The following PXK variants were observed in gnomAD, a reference collection of about 807,000 sequenced individuals.
PXK encodes the protein PX domain-containing protein kinase-like protein.
PXK carries 35 observed loss-of-function variants against 84.7 expected under a neutral mutation model. The ratio of observed to expected loss-of-function variants is 0.41; its 90% CI spans 0.32 to 0.55. The LOEUF is 0.55. Among genes scored for constraint, PXK ranks in the 20% least tolerant of loss-of-function variants. The pLI, the probability that PXK is intolerant of heterozygous loss-of-function variation, is 0.21. For synonymous variants in PXK, 253 were observed against 260.8 expected (o/e 0.97, Z 0.29); for missense variants, 634 against 699.7 (o/e 0.91, Z 1.06).
chr3:58,336,178 TGGGATTATA>T (rs2097605648), intron 1 of PXK, among the ~76,000 whole-genome samples: 1 of 150,526 alleles, frequency 6.6e-6, no homozygotes, highest in African/African-American at 2.4e-5. Context: ...CCCAAAGTGC[TGGGATTATA>T]GGTGTGAACC....
At chr3:58,371,426 A>G (rs2098368669) in intron 3 of PXK, among the ~76,000 whole-genome samples, 1 of 152,194 alleles carries the variant, frequency 6.6e-6, no homozygotes, top group Non-Finnish European at 1.5e-5. Context: ...CAGTGGTGTA[A>G]GCATTTGGGA....
In PXK at chr3:58,397,434, T is replaced by C. The variant is rs998759410; in HGVS notation, c.985-171T>C. Among the ~76,000 whole-genome samples, 42 of 152,230 alleles carry C rather than the reference T, an allele frequency of 2.8e-4. No homozygotes were observed. The highest frequency in any genetic ancestry group is 9.6e-4 in the African/African-American group (40 of 41,552). The stretch of plus-strand genomic sequence containing the variant: ...AACTGTGGAGGGTCGGACCAAGACC[T>C]TTGGGATACCTCATGAGGTTTTACA... On this transcript the variant is annotated intron_variant, in intron 10 of 17. Transcript: ENST00000356151. The surrounding 1 kb of genome is among the most constrained non-coding windows in gnomAD (Gnocchi z 4.7).
chr3:58,365,011 A>G (rs918254041), intron 1 of PXK, among the ~76,000 whole-genome samples: 2 of 151,500 alleles, frequency 1.3e-5, no homozygotes, highest in Non-Finnish European at 2.9e-5. Context: ...TTTGTTTTCA[A>G]TTTTATTGAT....
Position 58,333,560 on chromosome 3 carries a change from A to T in PXK, c.102+470A>T, listed in dbSNP as rs529264514. The T allele has an allele frequency of 1.5e-4, 67 of 456,420 alleles. No individual in the cohort carries two copies. The East Asian group carries it at 3.4e-3, about 23-fold the overall frequency. 28.3% of individuals were successfully genotyped at this position (456,420 alleles called of 1,614,324 possible). ...GGTGTGCCGGGCCAAATGAAGTGTG[A>T]CTCCAGAGCCTACTTGTTGGGACAG... On this transcript the variant is annotated intron_variant, in intron 1 of 17. Coordinates refer to ENST00000356151, the MANE Select transcript of PXK (RefSeq NM_017771.5). The surrounding 1 kb of genome is among the most constrained non-coding windows in gnomAD (Gnocchi z 5.4).
In PXK at chr3:58,403,853, T is replaced by C; in HGVS notation, c.1182-9T>C. Reference sequence around the variant, plus strand: ...AAGAAAGATTTTTGTTTGTTTCTTTTCTTTACAGATTATTCAGCGATGTTT... The same window carrying C: ...AAGAAAGATTTTTGTTTGTTTCTTTCCTTTACAGATTATTCAGCGATGTTT... On this transcript the variant is annotated splice_polypyrimidine_tract_variant and intron_variant, in intron 12 of 17. Coordinates refer to ENST00000356151, the MANE Select transcript of PXK (RefSeq NM_017771.5). The C allele has an allele frequency of 6.5e-7, 1 of 1,530,894 alleles. No individual in the cohort carries two copies. The highest frequency in any genetic ancestry group is 8.9e-7 in the Non-Finnish European group (1 of 1,127,048). 94.8% of individuals were successfully genotyped at this position (1,530,894 alleles called of 1,614,324 possible).
At chr3:58,408,804 G>C (rs1346206332) in intron 13 of PXK, 120 bp from the exon 14 acceptor site, 6 of 732,440 alleles carry the variant, frequency 8.2e-6, no homozygotes, top group African/African-American at 3.6e-5. Context: ...TTACAGGCAT[G>C]AGCCACCGCG....
rs2098608127 is a variant in PXK at position 58,390,005 on chromosome 3, A to C, written c.389-577A>C. On this transcript the variant is annotated intron_variant, in intron 4 of 17. Transcript: ENST00000356151. The surrounding 1 kb of genome is among the most constrained non-coding windows in gnomAD (Gnocchi z 4.2). ...CAAGAGTGAAACTCCGTCTCAAAAA[A>C]AAAAAAAAAAAAAAAAAAACAATTT... 6.7e-6 allele frequency among the ~76,000 whole-genome samples: 1 copy of C among 149,926 alleles called. No individual in the cohort carries two copies. Among genetic ancestry groups the C allele is most frequent in the Admixed American group, 6.6e-5 (1 of 15,062 alleles).
At position 58,390,547 on chromosome 3, in the gene PXK, T is replaced by A. The variant is rs1025160820; in HGVS notation, c.389-35T>A. 9.0e-6 allele frequency: 14 copies of A among 1,553,206 alleles called. No homozygotes were observed. The highest frequency in any genetic ancestry group is 1.2e-5 in the Non-Finnish European group (14 of 1,127,436). ...TTCAGCATATGGCCCTTTCCTGATA[T>A]GTCTGACTAATGGGTTTCTAAAATG... On this transcript the variant is annotated intron_variant, in intron 4 of 17. Transcript: ENST00000356151. This position sits in a 1 kb window ranked among gnomAD's most constrained non-coding sequence, Gnocchi z 4.2.
At chr3:58,420,668 T>A (rs1218972630) in intron 17 of PXK, 14 of 1,521,680 alleles carry the variant, frequency 9.2e-6, no homozygotes, top group Non-Finnish European at 1.1e-5. Context: ...GATGAACAAG[T>A]GGGAAAGCAG....
chr3:58,419,352 A>C (rs1456476432), intron 17 of PXK, among the ~76,000 whole-genome samples: 1 of 152,234 alleles, frequency 6.6e-6, no homozygotes, highest in African/African-American at 2.4e-5. Flanking sequence ...CCTGGGTTCA[A>C]GTAATTCTCC....
In PXK at chr3:58,416,126, G is replaced by A. The variant is rs1024439312; in HGVS notation, c.1528+3163G>A. ...CTTTTCCTCCTAATCTGGGATCTTT[G>A]TGGTGAGGGTCTTCAGTGGAGGCCT... On this transcript the variant is annotated intron_variant, in intron 17 of 17. Transcript: ENST00000356151. The surrounding 1 kb of genome is among the most constrained non-coding windows in gnomAD (Gnocchi z 4.8). Among the ~76,000 whole-genome samples, 1 of 152,190 alleles carries A rather than the reference G, an allele frequency of 6.6e-6. No homozygotes were observed. Among genetic ancestry groups the A allele is most frequent in the Non-Finnish European group, 1.5e-5 (1 of 68,034 alleles).
intron 7 of PXK, among the ~76,000 whole-genome samples, chr3:58,393,274 G>A (rs2098649477): frequency 6.6e-6 from 1 of 152,052 alleles, no homozygotes; most frequent in Non-Finnish European, 1.5e-5. Flanking sequence ...CGTGAACCCG[G>A]GAGGCGGAGC....
At position 58,421,108 on chromosome 3, in the gene PXK, C is replaced by T; in HGVS notation, c.1529-3644C>T. 3.0e-6 allele frequency: 3 copies of T among 992,864 alleles called. No individual in the cohort carries two copies. Among genetic ancestry groups the T allele is most frequent in the Non-Finnish European group, 3.6e-6 (3 of 835,032 alleles). The allele number at this position is 992,864 out of a possible 1,614,324, so 61.5% of individuals were successfully genotyped here. On this transcript the variant is annotated intron_variant, in intron 17 of 17. Transcript: ENST00000356151. This position sits in a 1 kb window ranked among gnomAD's most constrained non-coding sequence, Gnocchi z 5.5. ...GAAGCCAAAGGAGAAGGTGGTTCTC[C>T]CGAGAGCTGGGGGCTTGCCTGCTTC...
chr3:58,392,917 C>T (rs1479437876), intron 7 of PXK, among the ~76,000 whole-genome samples: 1 of 152,072 alleles, frequency 6.6e-6, no homozygotes, highest in Admixed American at 6.6e-5. Context: ...GCCTCGACTT[C>T]CCAAAGTGCT....
In PXK at chr3:58,399,364, C is replaced by G; in HGVS notation, c.1168C>G (p.Leu390Val). The change falls in exon 12 of 18, where the codon CTC becomes GTC. Residue 390 changes from leucine to valine, a missense_variant. This residue lies in a region of PXK where 273 missense variants were observed against 283.6 expected (regional missense o/e 0.96). Transcript: ENST00000356151. This position sits in a 1 kb window ranked among gnomAD's most constrained non-coding sequence, Gnocchi z 4.3. ...CKNGMPTISR[L>V]LQMPLFSDVL... ...AAATGGCATGCCTACCATCTCCCGG[C>G]TCTTACAGATGCCGTAAGTCAATCA... The G allele has an allele frequency of 1.9e-6, 3 of 1,613,534 alleles. No individual in the cohort carries two copies. Among genetic ancestry groups the G allele is most frequent in the Non-Finnish European group, 2.5e-6 (3 of 1,179,430 alleles).
chr3:58,334,440 A>C (rs751560570), intron 1 of PXK, among the ~76,000 whole-genome samples: 1 of 152,196 alleles, frequency 6.6e-6, no homozygotes, highest in Admixed American at 6.5e-5. Flanking sequence ...TAGGATAGGG[A>C]GTCAAGAGTA....
chr3:58,400,112 C>A lies in PXK; in HGVS notation c.1181+735C>A, dbSNP rs1394790372. ...CCACTTCTACCTGGGTGACCTTAGA[C>A]AAATTTCCTAACCTCTGGAAGTAGA... On this transcript the variant is annotated intron_variant, in intron 12 of 17. Coordinates refer to ENST00000356151, the MANE Select transcript of PXK (RefSeq NM_017771.5). The surrounding 1 kb of genome is among the most constrained non-coding windows in gnomAD (Gnocchi z 4.0). Among the ~76,000 whole-genome samples, 2 of 151,998 alleles carry A rather than the reference C, an allele frequency of 1.3e-5. No homozygotes were observed. The highest frequency in any genetic ancestry group is 2.9e-5 in the Non-Finnish European group (2 of 68,006).
Position 58,409,634 on chromosome 3 carries a change from C to T in PXK, c.1395+16C>T, listed in dbSNP as rs1414291489. 1 of 1,591,020 alleles carries T rather than the reference C, an allele frequency of 6.3e-7. No individual in the cohort carries two copies. Among genetic ancestry groups the T allele is most frequent in the South Asian group, 1.1e-5 (1 of 89,658 alleles). On this transcript the variant is annotated intron_variant, in intron 15 of 17. Coordinates refer to ENST00000356151, the MANE Select transcript of PXK (RefSeq NM_017771.5). This position sits in a 1 kb window ranked among gnomAD's most constrained non-coding sequence, Gnocchi z 4.2. ...AGCTCGAAAGGTAAGCCTGCTGTCT[C>T]TCTGCAGTCCCTCTATGAGTTCTTG... is the stretch of plus-strand genomic sequence containing the variant.
In PXK at chr3:58,383,619, C is replaced by T. The variant is rs531432365; in HGVS notation, c.388+919C>T. Among the ~76,000 whole-genome samples the T allele has an allele frequency of 1.3e-5, 2 of 152,278 alleles. No homozygotes were observed. The highest frequency in any genetic ancestry group is 4.1e-4 in the South Asian group (2 of 4,824). On this transcript the variant is annotated intron_variant, in intron 4 of 17. Coordinates refer to ENST00000356151, the MANE Select transcript of PXK (RefSeq NM_017771.5). The surrounding 1 kb of genome is among the most constrained non-coding windows in gnomAD (Gnocchi z 4.0). Reference sequence around the variant, plus strand: ...ACTGTGGTTGAAAGGGCTTCTCTTCCAGTACCGATTACACTCAAAGCTGGC... The same window carrying T: ...ACTGTGGTTGAAAGGGCTTCTCTTCTAGTACCGATTACACTCAAAGCTGGC...
Sources: gnomAD v4.1 joint callset for allele counts (sites outside exome capture counted in the v4.1 genomes callset) on GRCh38, gnomAD v4.1.1 for gene constraint, gnomAD v4.1.1 regional missense constraint, Gnocchi (gnomAD v3.1) non-coding constraint, MANE v1.5 for transcripts, NCBI Gene and HGNC (gene_info 2026-07-23, HGNC 2026-07-21) for gene names.